The following PDGFRA variants were observed in gnomAD, a reference collection of about 807,000 sequenced individuals.
PDGFRA encodes platelet derived growth factor receptor alpha, also known as platelet-derived growth factor receptor alpha.
PDGFRA carries 25 observed loss-of-function variants against 121.5 expected under a neutral mutation model. That is an observed-to-expected ratio of 0.21 (90% CI 0.15 to 0.29). The LOEUF (loss-of-function observed/expected upper bound fraction) is 0.29, where lower values mean the gene tolerates loss of function less well. Among genes scored for constraint, PDGFRA ranks in the 10% least tolerant of loss-of-function variants. The pLI is 1.00. For synonymous variants in PDGFRA, 463 were observed against 494.8 expected (o/e 0.94, Z 0.85); for missense variants, 1,008 against 1,345.1 (o/e 0.75, Z 3.92).
intron 12 of PDGFRA, 199 bp from the exon 13 acceptor site, chr4:54,277,189 C>A: frequency 1.6e-6 from 1 of 627,506 alleles, no homozygotes; most frequent in Non-Finnish European, 2.9e-6. Flanking sequence ...AAGTGTTATT[C>A]GACAAAAGCA....
chr4:54,281,358 G>C (rs551134276), intron 16 of PDGFRA, among the ~76,000 whole-genome samples: 1 of 152,194 alleles, frequency 6.6e-6, no homozygotes, highest in Non-Finnish European at 1.5e-5. Flanking sequence ...ATGTTTTCAG[G>C]TTCTTAAGTG....
At position 54,289,185 on chromosome 4, in the gene PDGFRA, G is replaced by A. The variant is rs146828410; in HGVS notation, c.2880+71G>A. The A allele has an allele frequency of 7.8e-5, 71 of 904,776 alleles. No individual in the cohort carries two copies. The African/African-American group carries it at 9.4e-4, about 12-fold the overall frequency. 56.0% of individuals were successfully genotyped at this position (904,776 alleles called of 1,614,324 possible). A position where few individuals can be genotyped will look rare whatever the true frequency, so the allele number is the denominator to read the frequency against. On this transcript the variant is annotated intron_variant, in intron 21 of 22. Coordinates refer to ENST00000257290, the MANE Select transcript of PDGFRA (RefSeq NM_006206.6). The stretch of plus-strand genomic sequence containing the variant: ...TTATACCAGTGAGCTGTGCTGTTCC[G>A]CAGTTCTAGAGGAGCATTTTCAAAA...
chr4:54,271,258 C>T (rs1386377987), intron 8 of PDGFRA, among the ~76,000 whole-genome samples: 1 of 152,152 alleles, frequency 6.6e-6, no homozygotes, highest in Admixed American at 6.5e-5. Flanking sequence ...CATTCAGGCT[C>T]AGCACCTATC....
Position 54,263,937 on chromosome 4 carries a change from T to C in PDGFRA, c.628+10T>C, listed in dbSNP as rs1379467258. On this transcript the variant is annotated intron_variant, in intron 4 of 22. Transcript: ENST00000257290. ...GTTTATGCTTTAAAAGGTACTTGTA[T>C]CATCTCCTTCCTTCTTTAAATAAGA... 1 of 1,612,344 alleles carries C rather than the reference T, an allele frequency of 6.2e-7. No individual in the cohort carries two copies. Among genetic ancestry groups the C allele is most frequent in the African/African-American group, 1.3e-5 (1 of 74,838 alleles).
At position 54,297,458 on chromosome 4, in the gene PDGFRA, G is replaced by A. The variant is rs569793596; in HGVS notation, c.*2186G>A. On this transcript the variant is annotated 3_prime_UTR_variant, in exon 23 of 23. Coordinates refer to ENST00000257290, the MANE Select transcript of PDGFRA (RefSeq NM_006206.6). ...GTAGAGCCAATTAGACTTGAAATAC[G>A]TTTGTGTTTCTAGAATCACAGCTCA... 58 of 233,656 alleles carry A rather than the reference G, an allele frequency of 2.5e-4. No individual in the cohort carries two copies. The highest frequency in any genetic ancestry group is 3.1e-4 in the African/African-American group (14 of 45,446). 14.5% of individuals were successfully genotyped at this position (233,656 alleles called of 1,614,324 possible). A position where few individuals can be genotyped will look rare whatever the true frequency, so the allele number is the denominator to read the frequency against.
At chr4:54,246,100 TC>T (rs2110202733) in intron 1 of PDGFRA, among the ~76,000 whole-genome samples, 1 of 152,166 alleles carries the variant, frequency 6.6e-6, no homozygotes, top group South Asian at 2.1e-4. Flanking sequence ...AGACTTAGAC[TC>T]CCACACAATA....
intron 1 of PDGFRA, among the ~76,000 whole-genome samples, chr4:54,244,079 G>A (rs1721475792): frequency 6.6e-6 from 1 of 152,196 alleles, no homozygotes; most frequent in African/African-American, 2.4e-5. Context: ...GAACAGGGTG[G>A]AGCCCACCAC....
chr4:54,262,891 A>G (rs1411225150), intron 3 of PDGFRA, among the ~76,000 whole-genome samples: 1 of 152,196 alleles, frequency 6.6e-6, no homozygotes, highest in Non-Finnish European at 1.5e-5. Flanking sequence ...TTCTTGTTCC[A>G]GCACAGATGC....
chr4:54,285,105 A>G (rs1724272645), intron 16 of PDGFRA, among the ~76,000 whole-genome samples: 2 of 151,846 alleles, frequency 1.3e-5, no homozygotes, highest in African/African-American at 4.8e-5. Flanking sequence ...CATGTTGGCC[A>G]GACTGGTCTC....
At chr4:54,249,216 G>A (rs1212646774) in intron 1 of PDGFRA, among the ~76,000 whole-genome samples, 3 of 152,218 alleles carry the variant, frequency 2.0e-5, no homozygotes, top group Non-Finnish European at 4.4e-5. Context: ...CCTTGTGGAA[G>A]TCAGTGTGGT....
chr4:54,265,869 G>A (rs997232160), intron 5 of PDGFRA, among the ~76,000 whole-genome samples: 7 of 152,200 alleles, frequency 4.6e-5, no homozygotes, highest in Admixed American at 1.3e-4. Flanking sequence ...CTCCTGACTT[G>A]TAAATTTCTG....
chr4:54,237,093 C>T (rs1354782628), intron 1 of PDGFRA, among the ~76,000 whole-genome samples: 18 of 151,978 alleles, frequency 1.2e-4, no homozygotes, highest in Admixed American at 1.2e-3. Context: ...CTCAGCCTCC[C>T]GAGTAGCTGG....
At position 54,270,774 on chromosome 4, in the gene PDGFRA, T is replaced by C. The variant is rs140249252; in HGVS notation, c.1237+26T>C. The C allele has an allele frequency of 8.3e-5, 103 of 1,243,748 alleles. No homozygotes were observed. In the East Asian group the frequency reaches 1.8e-3, roughly 22 times the overall value. 77.0% of individuals were successfully genotyped at this position (1,243,748 alleles called of 1,614,324 possible). ...GTATGTAAAGGGAGTATAAAGATAA[T>C]GCTAGCTCTGTAGATGAGTGTCTTC... On this transcript the variant is annotated intron_variant, in intron 8 of 22. Coordinates refer to ENST00000257290, the MANE Select transcript of PDGFRA (RefSeq NM_006206.6).
intron 20 of PDGFRA, 41 bp downstream of exon 20, chr4:54,288,939 T>G (rs778452537): frequency 7.1e-6 from 11 of 1,546,574 alleles, no homozygotes; most frequent in Non-Finnish European, 8.9e-6. Flanking sequence ...GTTCACAGTC[T>G]GTGGGTCTAG....
At chr4:54,260,394 T>TG (rs1722620877) in intron 2 of PDGFRA, among the ~76,000 whole-genome samples, 2 of 126,472 alleles carry the variant, frequency 1.6e-5, no homozygotes, top group South Asian at 5.6e-4. Flanking sequence ...TTATTCCATG[T>TG]GGGTTTTTTT....
chr4:54,245,196 C>G (rs1305739175), intron 1 of PDGFRA, among the ~76,000 whole-genome samples: 2 of 152,120 alleles, frequency 1.3e-5, no homozygotes, highest in East Asian at 3.9e-4. Flanking sequence ...GGCCAACATT[C>G]AGATTCAGGA....
intron 1 of PDGFRA, among the ~76,000 whole-genome samples, chr4:54,242,258 GA>G (rs1235731278): frequency 6.6e-6 from 1 of 151,560 alleles, no homozygotes; most frequent in Non-Finnish European, 1.5e-5. Context: ...TTTCTCACTT[GA>G]ATTTTTTTTT....
Position 54,229,403 on chromosome 4 carries a change from A to C in PDGFRA, c.-25A>C. ...TGTGGGACATTCATTGCGGAATAAC[A>C]TCGGAGGAGAAGGTAAGGGAAAAGA... On this transcript the variant is annotated 5_prime_UTR_variant, in exon 1 of 23. Transcript: ENST00000257290. 1 of 398,508 alleles carries C rather than the reference A, an allele frequency of 2.5e-6. No individual in the cohort carries two copies. The highest frequency in any genetic ancestry group is 3.6e-5 in the East Asian group (1 of 28,052). 24.7% of individuals were successfully genotyped at this position (398,508 alleles called of 1,614,324 possible). A position where few individuals can be genotyped will look rare whatever the true frequency, so the allele number is the denominator to read the frequency against.
chr4:54,273,706 C>T lies in PDGFRA; in HGVS notation c.1534C>T (p.Arg512Ter), dbSNP rs866988382. 2.5e-6 allele frequency: 4 copies of T among 1,613,610 alleles called. No individual in the cohort carries two copies. The highest frequency in any genetic ancestry group is 2.2e-5 in the East Asian group (1 of 44,872). The stretch of plus-strand genomic sequence containing the variant: ...TAAGAATCTCCTTGGAGCTGAGAAC[C>T]GAGAGCTGAAGCTGGTGGCTCCCAG... ...LAKNLLGAEN[R>*]ELKLVAPTLR... The change falls in exon 10 of 23, where the codon CGA becomes TGA. Residue 512 changes from arginine to a stop codon, truncating the protein, a stop_gained. Coordinates refer to ENST00000257290, the MANE Select transcript of PDGFRA (RefSeq NM_006206.6). LOFTEE classifies it high-confidence loss of function.
Sources: allele counts gnomAD v4.1 joint callset (sites outside exome capture counted in the v4.1 genomes callset), GRCh38; gene constraint gnomAD v4.1.1; transcripts MANE v1.5; gene names NCBI Gene and HGNC (gene_info 2026-07-23, HGNC 2026-07-21).